Variants in CDC42BPB observed in about 807,000 individuals in gnomAD.
CDC42BPB encodes CDC42 binding protein kinase beta.
CDC42BPB carries 37 observed loss-of-function variants against 214.9 expected under a neutral mutation model. That is an observed-to-expected ratio of 0.17 (90% confidence interval 0.13 to 0.23). CDC42BPB has a LOEUF of 0.23. Ranked by LOEUF, CDC42BPB falls within the 10% of genes least tolerant of loss-of-function variation. The pLI is 1.00. For missense variants in CDC42BPB, 1,694 were observed against 2,227.0 expected (o/e 0.76, Z 4.82); for synonymous variants, 931 against 884.0 (o/e 1.05, Z -0.94).
At chr14:102,984,965 T>C (rs1566881676) in intron 6 of CDC42BPB, among the ~76,000 whole-genome samples, 1 of 152,226 alleles carries the variant, frequency 6.6e-6, no homozygotes, top group Non-Finnish European at 1.5e-5. Flanking sequence ...GACTCCACGA[T>C]GAACAACTAC....
chr14:102,965,388 TAAAA>T (rs765936398), intron 18 of CDC42BPB, among the ~76,000 whole-genome samples: 3 of 115,272 alleles, frequency 2.6e-5, no homozygotes, highest in South Asian at 2.7e-4. Context: ...TACCTGTGAT[TAAAA>T]AAAAAAAAAA....
At chr14:102,940,672 G>A (rs978841193) in intron 30 of CDC42BPB, 1 of 348,484 alleles carries the variant, frequency 2.9e-6, no homozygotes, top group South Asian at 3.3e-5. Context: ...CAACACTTTG[G>A]AAATTCAGGT....
intron 16 of CDC42BPB, chr14:102,967,483 T>C: frequency 2.8e-6 from 1 of 358,944 alleles, no homozygotes; most frequent in Non-Finnish European, 3.9e-6. Flanking sequence ...CAGTCACGTG[T>C]AGTGAAACAG....
At chr14:102,964,212 C>T (rs1440498666) in intron 19 of CDC42BPB, among the ~76,000 whole-genome samples, 1 of 152,228 alleles carries the variant, frequency 6.6e-6, no homozygotes, top group Non-Finnish European at 1.5e-5. Flanking sequence ...GTGAGTCTCG[C>T]TACCCAGCGT....
intron 30 of CDC42BPB, chr14:102,940,595 T>TAAA: frequency 1.2e-6 from 1 of 844,828 alleles, no homozygotes; most frequent in Non-Finnish European, 1.7e-6. Context: ...AGGTGACTTT[T>TAAA]AAAAAGTCTG....
chr14:103,010,380 C>T (rs999221192), intron 2 of CDC42BPB, among the ~76,000 whole-genome samples: 1 of 152,192 alleles, frequency 6.6e-6, no homozygotes, highest in African/African-American at 2.4e-5. Flanking sequence ...CTGAGATAAA[C>T]TGGGAGCTCC....
chr14:102,953,976 T>C (rs1892604330), intron 23 of CDC42BPB, among the ~76,000 whole-genome samples: 1 of 152,194 alleles, frequency 6.6e-6, no homozygotes, highest in Non-Finnish European at 1.5e-5. Flanking sequence ...AAAATATATT[T>C]GTGTAGCACT....
In CDC42BPB at chr14:102,940,340, C is replaced by T. The variant is rs751171668; in HGVS notation, c.4409-16G>A. 3 of 1,556,438 alleles carry T rather than the reference C, an allele frequency of 1.9e-6. No homozygotes were observed. Among genetic ancestry groups the T allele is most frequent in the Admixed American group, 1.9e-5 (1 of 51,464 alleles). On this transcript the variant is annotated splice_polypyrimidine_tract_variant and intron_variant, in intron 30 of 36. Coordinates refer to ENST00000361246, the MANE Select transcript of CDC42BPB (RefSeq NM_006035.4). ...GGGCTGCAACCTAGCGCAGACGGAGCAGGGCGGGGTGAGCCACAGTGGCTC... is the reference window on the plus strand; with the variant it reads ...GGGCTGCAACCTAGCGCAGACGGAGTAGGGCGGGGTGAGCCACAGTGGCTC...
chr14:102,972,228 T>C, intron 12 of CDC42BPB, 67 bp from the exon 13 acceptor site: 1 of 1,583,562 alleles, frequency 6.3e-7, no homozygotes. Context: ...GGAGGTTCGG[T>C]CTTCCATGAT....
chr14:102,959,750 A>G (rs1362486969), intron 20 of CDC42BPB, 40 bp from the exon 21 acceptor site: 4 of 1,577,568 alleles, frequency 2.5e-6, no homozygotes, highest in African/African-American at 1.4e-5. Context: ...CAAAAAAACT[A>G]AAGTCTACAT....
chr14:102,972,460 G>A lies in CDC42BPB; in HGVS notation c.1642-299C>T, dbSNP rs112967655. Reference sequence around the variant, plus strand: ...CCAGCACTTTTGGAGGCCAAGGTGGGCGGGTCACCTGAGGTCAGGAGATCG... The same window carrying A: ...CCAGCACTTTTGGAGGCCAAGGTGGACGGGTCACCTGAGGTCAGGAGATCG... On this transcript the variant is annotated intron_variant, in intron 12 of 36. Coordinates refer to ENST00000361246, the MANE Select transcript of CDC42BPB (RefSeq NM_006035.4). The A allele has an allele frequency of 5.8e-3, 1,672 of 286,176 alleles. 33 individuals carry two copies. The highest frequency in any genetic ancestry group is 0.036 in the African/African-American group (1,592 of 43,854). The allele number at this position is 286,176 out of a possible 1,614,324, so 17.7% of individuals were successfully genotyped here. A position where few individuals can be genotyped will look rare whatever the true frequency, so the allele number is the denominator to read the frequency against.
At chr14:102,987,788 A>ACACACACACACACAC (rs1894312194) in intron 5 of CDC42BPB, among the ~76,000 whole-genome samples, 35 of 140,756 alleles carry the variant, frequency 2.5e-4, no homozygotes, top group African/African-American at 9.3e-4. Flanking sequence ...CAAACACACA[A>ACACACACACACACAC]ACACACACAC....
At chr14:102,969,339 G>A (rs1893367495) in intron 14 of CDC42BPB, among the ~76,000 whole-genome samples, 1 of 152,202 alleles carries the variant, frequency 6.6e-6, no homozygotes, top group South Asian at 2.1e-4. Context: ...CAGGCAGGAG[G>A]GTAGCTGCTG....
chr14:102,946,604 C>T lies in CDC42BPB; in HGVS notation c.3612G>A (p.Lys1204=). 6.2e-7 allele frequency: 1 copy of T among 1,612,858 alleles called. No homozygotes were observed. The highest frequency in any genetic ancestry group is 8.5e-7 in the Non-Finnish European group (1 of 1,179,992). ...GGAGTCCTTCTAGAATCCCAACCCA[C>T]TTCCTCTTTTCATTCTCATTTTCTG... ...ILTENENEKR[K]WVGILEGLQS... Residue 1204 remains lysine, a synonymous_variant, in exon 28 of 37, where the codon AAG becomes AAA. Coordinates refer to ENST00000361246, the MANE Select transcript of CDC42BPB (RefSeq NM_006035.4).
chr14:102,971,787 G>T, intron 13 of CDC42BPB, 132 bp downstream of exon 13: 2 of 841,512 alleles, frequency 2.4e-6, no homozygotes, highest in Non-Finnish European at 3.8e-6. Context: ...ATGCTCGGCC[G>T]ATCAACTTAC....
Position 102,945,940 on chromosome 14 carries a change from T to G in CDC42BPB, c.3749-216A>C, listed in dbSNP as rs765339757. ...ACTGTGGGATTGAGTCTGCAAGGAT[T>G]TGGGTGTGTGTGGGGCTCCTGGAGC... On this transcript the variant is annotated intron_variant, in intron 28 of 36. Transcript: ENST00000361246. 4.3e-4 allele frequency among the ~76,000 whole-genome samples: 66 copies of G among 152,148 alleles called. 1 individual carries two copies. The highest frequency in any genetic ancestry group is 1.5e-3 in the African/African-American group (63 of 41,436).
intron 8 of CDC42BPB, among the ~76,000 whole-genome samples, chr14:102,980,217 G>A (rs1893934810): frequency 3.3e-5 from 5 of 152,232 alleles, no homozygotes; most frequent in African/African-American, 1.2e-4. Flanking sequence ...CAAGTAGGCT[G>A]GGCGCGATGG....
At chr14:102,976,189 G>A (rs1893735484) in intron 9 of CDC42BPB, 140 bp from the exon 10 acceptor site, 4 of 1,449,992 alleles carry the variant, frequency 2.8e-6, no homozygotes, top group Non-Finnish European at 3.6e-6. Flanking sequence ...ATGGTTTATG[G>A]AACCAAAGTT....
In CDC42BPB at chr14:102,959,623, T is replaced by C; in HGVS notation, c.2901+8A>G. 1.3e-6 allele frequency: 2 copies of C among 1,564,788 alleles called. No individual in the cohort carries two copies. The highest frequency in any genetic ancestry group is 2.2e-5 in the East Asian group (1 of 44,496). On this transcript the variant is annotated splice_region_variant and intron_variant, in intron 21 of 36. Coordinates refer to ENST00000361246, the MANE Select transcript of CDC42BPB (RefSeq NM_006035.4). ...CATCTGTCACTTAAAAAAAAAACAA[T>C]GACTTACTCTAAATGTCAGGTCATG...
Sources: gnomAD v4.1 joint callset for allele counts (sites outside exome capture counted in the v4.1 genomes callset) on GRCh38, gnomAD v4.1.1 for gene constraint, MANE v1.5 for transcripts, NCBI Gene and HGNC (gene_info 2026-07-23, HGNC 2026-07-21) for gene names.